The following DNAH9 variants were observed in gnomAD, a reference collection of about 807,000 sequenced individuals.
The protein encoded by DNAH9 is dynein axonemal heavy chain 9.
Under a neutral mutation model 471.6 loss-of-function variants are expected in DNAH9, and 345 were observed. The ratio of observed to expected loss-of-function variants is 0.73; its 90% CI spans 0.67 to 0.80. The LOEUF (loss-of-function observed/expected upper bound fraction) is 0.80. Ranked by LOEUF, DNAH9 falls within the 30% of genes least tolerant of loss-of-function variation. DNAH9 has a pLI of 0.00. For synonymous variants in DNAH9, 2,093 were observed against 2,123.6 expected (o/e 0.99, Z 0.40); for missense variants, 5,407 against 5,609.2 (o/e 0.96, Z 1.15).
Position 11,665,505 on chromosome 17 carries a change from G to A in DNAH9, c.2731+537G>A, listed in dbSNP as rs367679399. Among the ~76,000 whole-genome samples the A allele has an allele frequency of 1.6e-4, 25 of 152,324 alleles. No individual in the cohort carries two copies. In the South Asian group the frequency reaches 2.3e-3, roughly 14 times the overall value. On this transcript the variant is annotated intron_variant, in intron 15 of 68. Coordinates refer to ENST00000262442, the MANE Select transcript of DNAH9 (RefSeq NM_001372.4). ...TAATTTTCAGAAGAAAAAGAAATGT[G>A]TAGAACACAATGGGCATTCTTTGAA... is the stretch of plus-strand genomic sequence containing the variant.
chr17:11,645,730 C>T (rs1659854555), intron 11 of DNAH9, among the ~76,000 whole-genome samples: 1 of 152,078 alleles, frequency 6.6e-6, no homozygotes, highest in Admixed American at 6.5e-5. Flanking sequence ...CCCTTTGCCA[C>T]CCAACCTCTG....
intron 19 of DNAH9, among the ~76,000 whole-genome samples, chr17:11,682,277 G>A (rs912458754): frequency 1.1e-4 from 16 of 150,322 alleles, no homozygotes; most frequent in African/African-American, 1.7e-4. Context: ...TCGAGGTAGC[G>A]TCTTGCTCTG....
Position 11,932,114 on chromosome 17 carries a change from C to A in DNAH9, c.12206C>A (p.Pro4069His). The A allele has an allele frequency of 6.2e-7, 1 of 1,614,066 alleles. No individual in the cohort carries two copies. Among genetic ancestry groups the A allele is most frequent in the Non-Finnish European group, 8.5e-7 (1 of 1,180,022 alleles). The part of the protein sequence containing the change: ...AVVAERRKFG[P>H]QGWNRSYPFN... ...GTGGCAGAAAGACGAAAATTTGGGCCCCAGGGATGGAATCGCTCATACCCC... is the reference window on the plus strand; with the variant it reads ...GTGGCAGAAAGACGAAAATTTGGGCACCAGGGATGGAATCGCTCATACCCC... The change falls in exon 64 of 69, where the codon CCC becomes CAC. Residue 4069 changes from proline to histidine, a missense_variant. Pro to His is a moderately conservative substitution (Grantham distance 77). Coordinates refer to ENST00000262442, the MANE Select transcript of DNAH9 (RefSeq NM_001372.4). This position sits in a 1 kb window ranked among gnomAD's most constrained non-coding sequence, Gnocchi z 4.3.
chr17:11,778,465 C>T lies in DNAH9; in HGVS notation c.7553-2544C>T, dbSNP rs576300108. 3.4e-5 allele frequency among the ~76,000 whole-genome samples: 5 copies of T among 148,796 alleles called. No individual in the cohort carries two copies. The South Asian group carries it at 8.9e-4, about 26-fold the overall frequency. Reference sequence around the variant, plus strand: ...TGCAAGTTTAGTGGAAGTCAACAAACTGGCTTTTGCTCCAAGTGAGACAGG... The same window carrying T: ...TGCAAGTTTAGTGGAAGTCAACAAATTGGCTTTTGCTCCAAGTGAGACAGG... On this transcript the variant is annotated intron_variant, in intron 38 of 68. Transcript: ENST00000262442.
chr17:11,613,482 G>A (rs980999867), intron 4 of DNAH9, among the ~76,000 whole-genome samples: 19 of 152,248 alleles, frequency 1.2e-4, no homozygotes, highest in African/African-American at 3.1e-4. Context: ...TTAGCCGGGC[G>A]TAGTCCCAGC....
At chr17:11,734,136 C>A (rs775408980) in intron 28 of DNAH9, among the ~76,000 whole-genome samples, 7 of 152,142 alleles carry the variant, frequency 4.6e-5, no homozygotes, top group Non-Finnish European at 1.0e-4. Flanking sequence ...GCTATTCAAA[C>A]TGTGAGCCAA....
chr17:11,891,188 G>T (rs767835467), intron 57 of DNAH9, among the ~76,000 whole-genome samples: 1 of 152,176 alleles, frequency 6.6e-6, no homozygotes, highest in Non-Finnish European at 1.5e-5. Flanking sequence ...TGCATTGCAG[G>T]AAGGGTCCAT....
rs749840781 is a variant in DNAH9, at chr17:11,704,407, G to A, written c.5356G>A (p.Ala1786Thr). 4 of 1,613,636 alleles carry A rather than the reference G, an allele frequency of 2.5e-6. No individual in the cohort carries two copies. The highest frequency in any genetic ancestry group is 3.4e-6 in the Non-Finnish European group (4 of 1,179,996). The change falls in exon 25 of 69, where the codon GCC becomes ACC. Residue 1786 changes from alanine to threonine, a missense_variant. This residue lies in a region of DNAH9 where 4,636 missense variants were observed against 4,900.3 expected (regional missense o/e 0.95). Coordinates refer to ENST00000262442, the MANE Select transcript of DNAH9 (RefSeq NM_001372.4). ...IMTICTIDVH[A>T]RDVVAKMIAQ... ...GACTATATGCACCATCGATGTGCAT[G>A]CCCGGGATGTGGTAGCCAAGATGAT... is the stretch of plus-strand genomic sequence containing the variant.
intron 48 of DNAH9, among the ~76,000 whole-genome samples, chr17:11,823,414 G>A (rs941619524): frequency 5.3e-5 from 8 of 152,034 alleles, no homozygotes; most frequent in South Asian, 2.1e-4. Flanking sequence ...CAATTTCTTC[G>A]TTTTCCTCTC....
chr17:11,666,380 A>T (rs760849596), intron 15 of DNAH9, among the ~76,000 whole-genome samples: 21 of 152,152 alleles, frequency 1.4e-4, no homozygotes, highest in Non-Finnish European at 1.5e-5. Context: ...CCGATGTGCC[A>T]TGTGTCCACT....
intron 24 of DNAH9, among the ~76,000 whole-genome samples, chr17:11,703,716 T>A (rs2074644189): frequency 6.6e-6 from 1 of 152,204 alleles, no homozygotes; most frequent in Admixed American, 6.5e-5. Context: ...TTTTAAAATA[T>A]CTTTAAAATG....
At chr17:11,893,178 C>CCAAAAA (rs1448222515) in intron 58 of DNAH9, among the ~76,000 whole-genome samples, 1 of 95,174 alleles carries the variant, frequency 1.1e-5, no homozygotes, top group Non-Finnish European at 2.0e-5. Context: ...TTGGCCTTTG[C>CCAAAAA]AAAAAAAAAA....
chr17:11,839,933 A>C (rs764284603), intron 49 of DNAH9, among the ~76,000 whole-genome samples: 8 of 152,214 alleles, frequency 5.3e-5, no homozygotes, highest in Non-Finnish European at 7.3e-5. Context: ...CAAAGTGTGA[A>C]GAAATGGGAA....
chr17:11,875,747 G>A (rs1972451953), intron 53 of DNAH9: 1 of 152,860 alleles, frequency 6.5e-6, no homozygotes, highest in African/African-American at 2.4e-5. Flanking sequence ...CACGTGAAGG[G>A]ACTTGAATGG....
chr17:11,739,771 A>T (rs920292405), intron 29 of DNAH9, among the ~76,000 whole-genome samples: 3 of 152,236 alleles, frequency 2.0e-5, no homozygotes, highest in African/African-American at 7.2e-5. Flanking sequence ...TGGAGGCTGC[A>T]TTCTTTTTCC....
Position 11,932,724 on chromosome 17 carries a change from G to A in DNAH9, c.12297+519G>A, listed in dbSNP as rs929463084. ...CAACTGTGAGGTGAGAGCCATGGAC[G>A]CTCAGGAAGTCTAACTAGAGACTCA... On this transcript the variant is annotated intron_variant, in intron 64 of 68. Coordinates refer to ENST00000262442, the MANE Select transcript of DNAH9 (RefSeq NM_001372.4). The surrounding 1 kb of genome is among the most constrained non-coding windows in gnomAD (Gnocchi z 4.3). Among the ~76,000 whole-genome samples the A allele has an allele frequency of 5.9e-5, 9 of 152,126 alleles. No individual in the cohort carries two copies. The highest frequency in any genetic ancestry group is 1.3e-4 in the Admixed American group (2 of 15,276).
intron 52 of DNAH9, among the ~76,000 whole-genome samples, chr17:11,874,486 G>C (rs974997716): frequency 6.6e-6 from 1 of 152,184 alleles, no homozygotes; most frequent in Non-Finnish European, 1.5e-5. Flanking sequence ...GCAAGCTGGT[G>C]AAACAGAGGA....
chr17:11,762,770 G>GTTTTTTTTTT lies in DNAH9; in HGVS notation c.6996-652_6996-643dup, dbSNP rs563544881. 7.7e-4 allele frequency among the ~76,000 whole-genome samples: 70 copies of GTTTTTTTTTT among 90,770 alleles called. 4 individuals carry two copies. The highest frequency in any genetic ancestry group is 1.2e-3 in the African/African-American group (30 of 24,318). The allele number at this position is 90,770 out of a possible 152,430, so 59.5% of individuals were successfully genotyped here. A position where few individuals can be genotyped will look rare whatever the true frequency, so the allele number is the denominator to read the frequency against. The stretch of plus-strand genomic sequence containing the variant: ...CCTCTTTAGGTGCGTTTTTTTTTTT[G>GTTTTTTTTTT]TTTTTTTTTTTTTTTTTTTTTTTTT... On this transcript the variant is annotated intron_variant, in intron 35 of 68. Transcript: ENST00000262442.
Position 11,937,317 on chromosome 17 carries a change from G to T in DNAH9, c.12490-35G>T. The T allele has an allele frequency of 6.3e-7, 1 of 1,577,680 alleles. No individual in the cohort carries two copies. Among genetic ancestry groups the T allele is most frequent in the South Asian group, 1.2e-5 (1 of 85,428 alleles). Reference sequence around the variant, plus strand: ...TGTGGGAGATGGGAGGTACGTCCTGGTTTCTTTTTAAGTGAGCTTGCCCTT... The same window carrying T: ...TGTGGGAGATGGGAGGTACGTCCTGTTTTCTTTTTAAGTGAGCTTGCCCTT... On this transcript the variant is annotated intron_variant, in intron 65 of 68. Coordinates refer to ENST00000262442, the MANE Select transcript of DNAH9 (RefSeq NM_001372.4). This position sits in a 1 kb window ranked among gnomAD's most constrained non-coding sequence, Gnocchi z 4.1.
Sources: allele counts gnomAD v4.1 joint callset (sites outside exome capture counted in the v4.1 genomes callset), GRCh38; gene constraint gnomAD v4.1.1; regional missense constraint gnomAD v4.1.1; non-coding constraint Gnocchi (gnomAD v3.1); transcripts MANE v1.5; gene names NCBI Gene and HGNC (gene_info 2026-07-23, HGNC 2026-07-21).